The following ARHGAP44 variants were observed in gnomAD, a reference collection of about 807,000 sequenced individuals.
ARHGAP44 encodes the protein Rho GTPase activating protein 44.
ARHGAP44 carries 43 observed loss-of-function variants against 106.8 expected under a neutral mutation model. The observed-to-expected ratio is 0.40, with a 90% CI of 0.32 to 0.52. The LOEUF (loss-of-function observed/expected upper bound fraction) is 0.52. Among genes scored for constraint, ARHGAP44 ranks in the 20% least tolerant of loss-of-function variants. ARHGAP44 has a pLI of 0.48. For missense variants in ARHGAP44, 866 were observed against 1,050.5 expected, an observed-to-expected ratio of 0.82 and a Z score of 2.43; for synonymous variants, 439 against 410.3, an observed-to-expected ratio of 1.07 and a Z score of -0.85.
At chr17:12,791,235 T>C (rs2033746114) in intron 1 of ARHGAP44, among the ~76,000 whole-genome samples, 1 of 152,152 alleles carries the variant, frequency 6.6e-6, no homozygotes, top group Admixed American at 6.5e-5. Flanking sequence ...TGCTTTAACA[T>C]GAGGGGGAAT....
At chr17:12,870,579 A>G (rs2036380613) in intron 1 of ARHGAP44, among the ~76,000 whole-genome samples, 1 of 152,160 alleles carries the variant, frequency 6.6e-6, no homozygotes, top group Admixed American at 6.5e-5. Flanking sequence ...ATGAAAAGGT[A>G]TCAGCCCACT....
rs529914114 is a variant in ARHGAP44 at position 12,957,727 on chromosome 17, T to C, written c.1342+981T>C. ...CTCAATGGTGACAGCTTTGAAGAGA[T>C]AGCAGTTGTTACACTAAATTCGGCA... is the stretch of plus-strand genomic sequence containing the variant. On this transcript the variant is annotated intron_variant, in intron 15 of 20. Transcript: ENST00000379672. 2.6e-5 allele frequency among the ~76,000 whole-genome samples: 4 copies of C among 152,332 alleles called. No individual in the cohort carries two copies. In the East Asian group the frequency reaches 5.8e-4, roughly 22 times the overall value.
chr17:12,903,087 AGAGAGAGAGAG>A (rs2037423579), intron 3 of ARHGAP44, among the ~76,000 whole-genome samples: 1 of 52,086 alleles, frequency 1.9e-5, no homozygotes, highest in African/African-American at 6.7e-5. Flanking sequence ...AATATATGAG[AGAGAGAGAGAG>A]AGAGAGAGAG....
chr17:12,944,219 G>A (rs763222777), intron 10 of ARHGAP44, 23 bp downstream of exon 10: 14 of 1,570,586 alleles, frequency 8.9e-6, no homozygotes, highest in Admixed American at 1.7e-5. Context: ...ACAGCCACAC[G>A]CCGCCCCGGG....
chr17:12,902,704 A>G (rs1286798418), intron 3 of ARHGAP44, among the ~76,000 whole-genome samples: 1 of 152,188 alleles, frequency 6.6e-6, no homozygotes, highest in Non-Finnish European at 1.5e-5. Context: ...CTGACGACCC[A>G]AGGGTGAAGC....
At chr17:12,920,514 G>A (rs2038051337) in intron 6 of ARHGAP44, among the ~76,000 whole-genome samples, 1 of 152,092 alleles carries the variant, frequency 6.6e-6, no homozygotes, top group African/African-American at 2.4e-5. Context: ...TGATGAGAAG[G>A]TGGCAGCCTT....
At chr17:12,927,392 T>C (rs1318510000) in intron 6 of ARHGAP44, among the ~76,000 whole-genome samples, 1 of 152,160 alleles carries the variant, frequency 6.6e-6, no homozygotes, top group Non-Finnish European at 1.5e-5. Context: ...GAGAAAAGAA[T>C]AGTGGAGTAG....
At chr17:12,960,898 ATACT>A (rs2039246474) in intron 16 of ARHGAP44, among the ~76,000 whole-genome samples, 1 of 152,198 alleles carries the variant, frequency 6.6e-6, no homozygotes, top group Admixed American at 6.5e-5. Context: ...AAAAAAGAAC[ATACT>A]TAGAATCTGC....
intron 10 of ARHGAP44, among the ~76,000 whole-genome samples, chr17:12,946,499 T>C (rs1054721431): frequency 7.0e-6 from 1 of 143,400 alleles, no homozygotes; most frequent in Non-Finnish European, 1.5e-5. Flanking sequence ...AAAAAGAAAT[T>C]AGTTAAAAAA....
chr17:12,903,140 A>AGAGAGAGAGAGTGT (rs1403029479), intron 3 of ARHGAP44, among the ~76,000 whole-genome samples: 1 of 57,594 alleles, frequency 1.7e-5, no homozygotes, highest in African/African-American at 6.2e-5. Flanking sequence ...AGAGAGAGAG[A>AGAGAGAGAGAGTGT]GTGTGTGTGT....
At chr17:12,810,638 A>G (rs533014216) in intron 1 of ARHGAP44, among the ~76,000 whole-genome samples, 2 of 152,192 alleles carry the variant, frequency 1.3e-5, no homozygotes, top group Non-Finnish European at 2.9e-5. Flanking sequence ...ATCTCTGGAC[A>G]TTGAAGCTCA....
At chr17:12,821,667 A>G (rs2034774427) in intron 1 of ARHGAP44, among the ~76,000 whole-genome samples, 1 of 152,160 alleles carries the variant, frequency 6.6e-6, no homozygotes. Flanking sequence ...GAAAATAGAA[A>G]AGCAAAAAAT....
At chr17:12,810,422 G>A (rs1481792280) in intron 1 of ARHGAP44, among the ~76,000 whole-genome samples, 1 of 152,188 alleles carries the variant, frequency 6.6e-6, no homozygotes, top group African/African-American at 2.4e-5. Flanking sequence ...AATATCTTCA[G>A]TGATAGGAGT....
intron 18 of ARHGAP44, among the ~76,000 whole-genome samples, chr17:12,976,439 C>T (rs1165635259): frequency 2.0e-5 from 3 of 151,736 alleles, no homozygotes; most frequent in African/African-American, 2.4e-5. Flanking sequence ...ATGGTGAAAC[C>T]CCATCTCTAC....
At chr17:12,802,798 G>A (rs1213218002) in intron 1 of ARHGAP44, among the ~76,000 whole-genome samples, 3 of 118,616 alleles carry the variant, frequency 2.5e-5, no homozygotes, top group South Asian at 5.9e-4. Flanking sequence ...TCCCTCTGTC[G>A]CCCAGGCTGG....
chr17:12,842,280 G>C lies in ARHGAP44; in HGVS notation c.53+52389G>C, dbSNP rs557332604. On this transcript the variant is annotated intron_variant, in intron 1 of 20. Coordinates refer to ENST00000379672, the MANE Select transcript of ARHGAP44 (RefSeq NM_014859.6). ...ATGTATCAAACAATTAGCTGGATGT[G>C]GTGGCACACACCTGTAGTCCTAGCT... Among the ~76,000 whole-genome samples, 4 of 151,974 alleles carry C rather than the reference G, an allele frequency of 2.6e-5. No individual in the cohort carries two copies. In the East Asian group the frequency reaches 7.7e-4, roughly 29 times the overall value.
At chr17:12,805,462 T>C (rs2150771030) in intron 1 of ARHGAP44, among the ~76,000 whole-genome samples, 1 of 152,354 alleles carries the variant, frequency 6.6e-6, no homozygotes, top group Admixed American at 6.5e-5. Context: ...GCTAAATATG[T>C]GTCTGTTGGC....
chr17:12,895,243 A>G (rs1260802478), intron 2 of ARHGAP44, among the ~76,000 whole-genome samples: 1 of 152,150 alleles, frequency 6.6e-6, no homozygotes, highest in South Asian at 2.1e-4. Context: ...AACTGTTAGG[A>G]GAGAAGTTTT....
intron 18 of ARHGAP44, among the ~76,000 whole-genome samples, chr17:12,975,580 C>CCT (rs1165051951): frequency 2.0e-5 from 3 of 151,696 alleles, no homozygotes; most frequent in Non-Finnish European, 4.4e-5. Context: ...GGGTGGATCA[C>CCT]GAGGTCAGGA....
Sources: gnomAD v4.1 joint callset for allele counts (sites outside exome capture counted in the v4.1 genomes callset) on GRCh38, gnomAD v4.1.1 for gene constraint, MANE v1.5 for transcripts, NCBI Gene and HGNC (gene_info 2026-07-23, HGNC 2026-07-21) for gene names.